The following TP73 variants were observed in gnomAD, a reference collection of about 807,000 sequenced individuals.
TP73 encodes the protein p53-like transcription factor.
A neutral mutation model predicts 62.5 loss-of-function variants in TP73; 25 were observed. That is an observed-to-expected ratio of 0.40 (90% CI 0.29 to 0.56). The LOEUF is 0.56. Ranked by LOEUF, TP73 falls within the 20% of genes least tolerant of loss-of-function variation. TP73 has a pLI of 0.46. For missense variants in TP73, 754 were observed against 913.3 expected, an observed-to-expected ratio of 0.83 and a Z score of 2.25; for synonymous variants, 423 against 377.5, an observed-to-expected ratio of 1.12 and a Z score of -1.40.
At chr1:3,728,837 C>T (rs893680056) in intron 9 of TP73, among the ~76,000 whole-genome samples, 8 of 152,138 alleles carry the variant, frequency 5.3e-5, no homozygotes, top group East Asian at 1.9e-4. Flanking sequence ...GTGGTGGTGG[C>T]GTGCAGCTGC....
Position 3,727,643 on chromosome 1 carries a change from C to T in TP73, c.858C>T (p.Gly286=). The change falls in exon 8 of 14, where the codon GGC becomes GGT. Residue 286 remains glycine (G), a synonymous_variant. Coordinates refer to ENST00000378295, the MANE Select transcript of TP73 (RefSeq NM_005427.4). The part of the protein sequence containing the change: ...TLEMRDGQVL[G]RRSFEGRICA... ...CACCCGACAGTGGGCAGGTGCTGGG[C>T]CGCCGGTCCTTTGAGGGCCGCATCT... 1.2e-6 allele frequency: 2 copies of T among 1,600,364 alleles called. No individual in the cohort carries two copies. Among genetic ancestry groups the T allele is most frequent in the Non-Finnish European group, 8.5e-7 (1 of 1,176,270 alleles).
intron 4 of TP73, among the ~76,000 whole-genome samples, chr1:3,713,537 G>C (rs934729313): frequency 3.3e-5 from 5 of 152,184 alleles, no homozygotes; most frequent in Non-Finnish European, 7.3e-5. Flanking sequence ...TTGCTTCCCG[G>C]TCTGGTGGGT....
chr1:3,674,623 G>A (rs1381678484), intron 1 of TP73, among the ~76,000 whole-genome samples: 3 of 152,230 alleles, frequency 2.0e-5, no homozygotes, highest in African/African-American at 7.2e-5. Context: ...CTGTCGGGAG[G>A]GGCAGGCAAT....
chr1:3,722,866 CT>C (rs1641193738), intron 5 of TP73, among the ~76,000 whole-genome samples: 5 of 143,010 alleles, frequency 3.5e-5, no homozygotes, highest in Middle Eastern at 4.3e-3. Flanking sequence ...GGCTGGGCAC[CT>C]CTTTGCACCT....
At chr1:3,683,464 T>C (rs894417013) in intron 3 of TP73, among the ~76,000 whole-genome samples, 1 of 152,046 alleles carries the variant, frequency 6.6e-6, no homozygotes, top group Non-Finnish European at 1.5e-5. Flanking sequence ...CACAGCTAGA[T>C]CCAGATGTAG....
At chr1:3,721,971 G>A (rs1425338741) in intron 4 of TP73, 50 bp from the exon 5 acceptor site, 1 of 1,536,424 alleles carries the variant, frequency 6.5e-7, no homozygotes, top group Non-Finnish European at 8.8e-7. Context: ...GCCTGGACAG[G>A]GGTGCAGTTG....
intron 1 of TP73, among the ~76,000 whole-genome samples, chr1:3,665,342 G>C (rs1645086867): frequency 6.6e-6 from 1 of 152,060 alleles, no homozygotes; most frequent in Admixed American, 6.6e-5. Context: ...ATGAGGTATT[G>C]GTAAACAGGA....
intron 4 of TP73, among the ~76,000 whole-genome samples, chr1:3,709,518 G>T (rs370903847): frequency 6.6e-6 from 1 of 152,342 alleles, no homozygotes; most frequent in African/African-American, 2.4e-5. Context: ...GTGCTGGCCT[G>T]GGCCTCCCAA....
Position 3,728,236 on chromosome 1 carries a change from A to T in TP73, c.1074+19A>T. 1 of 1,608,444 alleles carries T rather than the reference A, an allele frequency of 6.2e-7. No individual in the cohort carries two copies. The highest frequency in any genetic ancestry group is 8.5e-7 in the Non-Finnish European group (1 of 1,178,606). On this transcript the variant is annotated intron_variant, in intron 9 of 13. Transcript: ENST00000378295. ...CCTTCAGGTGAGTGTGTGCTCCTGC[A>T]CGGCAGCCGGGAGACCTGCCTCACC...
chr1:3,662,423 C>T lies in TP73; in HGVS notation c.-34+9782C>T, dbSNP rs1051885748. On this transcript the variant is annotated intron_variant, in intron 1 of 13. Transcript: ENST00000378295. This position sits in a 1 kb window ranked among gnomAD's most constrained non-coding sequence, Gnocchi z 4.4. ...TCCTCAGCTGCAGGAAGATACAGGA[C>T]TGTGGGGCTGCTGCAGGCTGAACCA... is the stretch of plus-strand genomic sequence containing the variant. 3.3e-5 allele frequency among the ~76,000 whole-genome samples: 5 copies of T among 152,318 alleles called. No homozygotes were observed. Among genetic ancestry groups the T allele is most frequent in the African/African-American group, 4.8e-5 (2 of 41,578 alleles).
At chr1:3,706,418 C>T (rs1485743050) in intron 3 of TP73, among the ~76,000 whole-genome samples, 15 of 131,342 alleles carry the variant, frequency 1.1e-4, no homozygotes, top group African/African-American at 3.3e-4. Context: ...GCCGCAGGCC[C>T]GGGGAGGGGG....
chr1:3,669,899 C>T (rs974845073), intron 1 of TP73, among the ~76,000 whole-genome samples: 4 of 152,096 alleles, frequency 2.6e-5, no homozygotes, highest in East Asian at 3.9e-4. Context: ...CACATGTGTG[C>T]GCATATGTGA....
At chr1:3,689,928 CA>C (rs1208265539) in intron 3 of TP73, among the ~76,000 whole-genome samples, 2 of 152,202 alleles carry the variant, frequency 1.3e-5, no homozygotes, top group African/African-American at 4.8e-5. Flanking sequence ...GGCTGAAATA[CA>C]ATGGAAATTC....
chr1:3,710,386 G>A (rs1462265976), intron 4 of TP73, among the ~76,000 whole-genome samples: 1 of 152,146 alleles, frequency 6.6e-6, no homozygotes, highest in East Asian at 1.9e-4. Flanking sequence ...GGAGGGGCAG[G>A]CAAGTGGTCG....
At chr1:3,717,722 A>G (rs150141815) in intron 4 of TP73, among the ~76,000 whole-genome samples, 32 of 152,266 alleles carry the variant, frequency 2.1e-4, no homozygotes, top group Non-Finnish European at 3.4e-4. Context: ...TCCTGGGCTC[A>G]GCCACCCTCT....
intron 4 of TP73, among the ~76,000 whole-genome samples, chr1:3,718,372 C>A (rs1640786196): frequency 6.6e-6 from 1 of 152,210 alleles, no homozygotes. Flanking sequence ...CACGCAGCTT[C>A]CAGAGCAAGG....
intron 4 of TP73, among the ~76,000 whole-genome samples, chr1:3,713,422 C>T (rs1226968550): frequency 6.6e-6 from 1 of 152,192 alleles, no homozygotes; most frequent in East Asian, 1.9e-4. Context: ...CCAGGCTTCT[C>T]CTGGACCCAG....
chr1:3,696,079 C>T lies in TP73; in HGVS notation c.187-11470C>T, dbSNP rs916222990. Among the ~76,000 whole-genome samples, 5 of 152,102 alleles carry T rather than the reference C, an allele frequency of 3.3e-5. No homozygotes were observed. The highest frequency in any genetic ancestry group is 2.1e-4 in the South Asian group (1 of 4,758). ...AAGGAGCCGCATGCAGGGAGGAGGA[C>T]GACGAGCGAGCAGTTCCCAAAGCCC... On this transcript the variant is annotated intron_variant, in intron 3 of 13. Coordinates refer to ENST00000378295, the MANE Select transcript of TP73 (RefSeq NM_005427.4). This position sits in a 1 kb window ranked among gnomAD's most constrained non-coding sequence, Gnocchi z 4.1.
At chr1:3,719,890 T>TTTGTG (rs1640920204) in intron 4 of TP73, among the ~76,000 whole-genome samples, 1 of 132,146 alleles carries the variant, frequency 7.6e-6, no homozygotes, top group Admixed American at 7.5e-5. Flanking sequence ...TTTTTTCTCT[T>TTTGTG]TGTGTGTGTG....
Sources: gnomAD v4.1 joint callset for allele counts (sites outside exome capture counted in the v4.1 genomes callset) on GRCh38, gnomAD v4.1.1 for gene constraint, Gnocchi (gnomAD v3.1) non-coding constraint, MANE v1.5 for transcripts, NCBI Gene and HGNC (gene_info 2026-07-23, HGNC 2026-07-21) for gene names.